Variants in ALMS1 observed in about 807,000 individuals in gnomAD.
ALMS1 encodes centrosome-associated protein ALMS1.
Under a neutral mutation model 352.2 loss-of-function variants are expected in ALMS1, and 271 were observed. The observed-to-expected ratio is 0.77, with a 90% CI of 0.70 to 0.85. The LOEUF (loss-of-function observed/expected upper bound fraction) is 0.85, where lower values mean the gene tolerates loss of function less well. Among genes scored for constraint, ALMS1 ranks in the 40% least tolerant of loss-of-function variants. ALMS1 has a pLI of 0.00. For missense variants in ALMS1, 5,445 were observed against 4,870.7 expected (o/e 1.12, Z -3.51); for synonymous variants, 1,865 against 1,761.2 (o/e 1.06, Z -1.48).
In ALMS1 at chr2:73,386,075, C is replaced by G. The variant is rs752874408; in HGVS notation, c.207C>G (p.Asp69Glu). ...GGCCCCAGCATCTGGAAAGTATAGA[C>G]GACGAGGAGGACGAGGAGGCCAAGG... ...HYGPQHLESI[D>E]DEEDEEAKAW... Residue 69 changes from aspartate (D) to glutamate (E), a missense_variant, in exon 1 of 23, where the codon GAC (aspartate) becomes GAG (glutamate). Physicochemically the swap from Asp to Glu is conservative, Grantham distance 45. Coordinates refer to ENST00000613296, the MANE Select transcript of ALMS1 (RefSeq NM_001378454.1). 6 of 1,596,226 alleles carry G rather than the reference C, an allele frequency of 3.8e-6. No homozygotes were observed. In the East Asian group the frequency reaches 1.1e-4, roughly 30 times the overall value.
chr2:73,467,611 T>G (rs1342054671), intron 9 of ALMS1, among the ~76,000 whole-genome samples: 1 of 152,042 alleles, frequency 6.6e-6, no homozygotes, highest in Non-Finnish European at 1.5e-5. Flanking sequence ...AGGTACGTAC[T>G]CAAGAACTAT....
chr2:73,539,538 G>A (rs968617784), intron 12 of ALMS1, among the ~76,000 whole-genome samples: 9 of 152,188 alleles, frequency 5.9e-5, no homozygotes, highest in Non-Finnish European at 1.2e-4. Context: ...TGACTTTGAC[G>A]AGTTGAGAGA....
intron 10 of ALMS1, among the ~76,000 whole-genome samples, chr2:73,498,592 C>T (rs1673157221): frequency 6.6e-6 from 1 of 151,920 alleles, no homozygotes; most frequent in Non-Finnish European, 1.5e-5. Flanking sequence ...CTCTGGTAAC[C>T]ATCCTTCTAC....
chr2:73,588,930 A>T (rs1288509431), intron 16 of ALMS1, among the ~76,000 whole-genome samples: 2 of 152,096 alleles, frequency 1.3e-5, no homozygotes, highest in East Asian at 1.9e-4. Flanking sequence ...CAAAGCGTAA[A>T]TTTTTTTATA....
chr2:73,554,971 A>G (rs1674514670), intron 13 of ALMS1, among the ~76,000 whole-genome samples: 1 of 152,228 alleles, frequency 6.6e-6, no homozygotes, highest in African/African-American at 2.4e-5. Context: ...AAGGGCATGT[A>G]AAACTATTTT....
At chr2:73,593,286 C>T (rs1025056224) in intron 16 of ALMS1, among the ~76,000 whole-genome samples, 5 of 151,958 alleles carry the variant, frequency 3.3e-5, no homozygotes, top group African/African-American at 9.7e-5. Flanking sequence ...ATTGTGAATC[C>T]GTGGATGGAT....
Position 73,506,148 on chromosome 2 carries a change from T to C in ALMS1, c.9540-13627T>C, listed in dbSNP as rs368181864. Reference sequence around the variant, plus strand: ...CCCTGCTCTGTTCCATTGGTCTATGTATCTGTTTTGGTACCAGTACCATGC... The same window carrying C: ...CCCTGCTCTGTTCCATTGGTCTATGCATCTGTTTTGGTACCAGTACCATGC... On this transcript the variant is annotated intron_variant, in intron 10 of 22. Transcript: ENST00000613296. Among the ~76,000 whole-genome samples, 33 of 152,326 alleles carry C rather than the reference T, an allele frequency of 2.2e-4. No individual in the cohort carries two copies. In the East Asian group the frequency reaches 3.9e-3, roughly 18 times the overall value.
intron 16 of ALMS1, among the ~76,000 whole-genome samples, chr2:73,586,090 A>G (rs193234448): frequency 1.2e-4 from 18 of 152,082 alleles, no homozygotes; most frequent in African/African-American, 4.1e-4. Context: ...AGAATTGTCT[A>G]TTCTTGTCCT....
At chr2:73,526,030 G>A (rs1255762361) in intron 11 of ALMS1, among the ~76,000 whole-genome samples, 1 of 152,144 alleles carries the variant, frequency 6.6e-6, no homozygotes, top group Non-Finnish European at 1.5e-5. Flanking sequence ...TTGTTGAAGA[G>A]ACCGTCTTTT....
In ALMS1 at chr2:73,525,968, G is replaced by C. The variant is rs147918457; in HGVS notation, c.9781+5952G>C. Among the ~76,000 whole-genome samples the C allele has an allele frequency of 3.9e-5, 6 of 152,236 alleles. 1 individual carries two copies. The highest frequency in any genetic ancestry group is 8.8e-5 in the Non-Finnish European group (6 of 67,998). On this transcript the variant is annotated intron_variant, in intron 11 of 22. Coordinates refer to ENST00000613296, the MANE Select transcript of ALMS1 (RefSeq NM_001378454.1). Reference sequence around the variant, plus strand: ...TGATTTCTGTATATGATGAAAGATAGAGGTTTAGCTTTATTCTTCTGCATG... The same window carrying C: ...TGATTTCTGTATATGATGAAAGATACAGGTTTAGCTTTATTCTTCTGCATG...
chr2:73,426,302 G>T, intron 5 of ALMS1, 151 bp from the exon 6 acceptor site: 4 of 803,282 alleles, frequency 5.0e-6, no homozygotes, highest in South Asian at 4.3e-5. Flanking sequence ...CAAGGTGCTT[G>T]TACCATTGAC....
chr2:73,421,517 G>A (rs1297596888), intron 3 of ALMS1, among the ~76,000 whole-genome samples: 3 of 152,128 alleles, frequency 2.0e-5, no homozygotes, highest in Non-Finnish European at 2.9e-5. Context: ...TTGTTCCTTG[G>A]TGGCAAAGGT....
At chr2:73,464,500 G>C (rs1005240791) in intron 9 of ALMS1, among the ~76,000 whole-genome samples, 40 of 152,164 alleles carry the variant, frequency 2.6e-4, no homozygotes, top group Non-Finnish European at 4.1e-4. Context: ...TACCGAATGG[G>C]CAAAAACTGG....
At position 73,452,128 on chromosome 2, in the gene ALMS1, T is replaced by C. The variant is rs1183253589; in HGVS notation, c.5601T>C (p.Asp1867=). ...TTTCTTATGAGCAGGAGTTGCCAGATCTTACTGAAGTAACTTTGAAAGCAA... is the reference window on the plus strand; with the variant it reads ...TTTCTTATGAGCAGGAGTTGCCAGACCTTACTGAAGTAACTTTGAAAGCAA... ...SVISYEQELP[D]LTEVTLKAIG... is the part of the protein sequence containing the mutation. The change falls in exon 8 of 23, where the codon GAT becomes GAC. Residue 1867 remains aspartate (D), a synonymous_variant. Coordinates refer to ENST00000613296, the MANE Select transcript of ALMS1 (RefSeq NM_001378454.1). 6.2e-7 allele frequency: 1 copy of C among 1,608,942 alleles called. No individual in the cohort carries two copies. Among genetic ancestry groups the C allele is most frequent in the Non-Finnish European group, 8.5e-7 (1 of 1,176,708 alleles).
chr2:73,386,878 C>A (rs987564151), intron 1 of ALMS1, among the ~76,000 whole-genome samples: 2 of 152,180 alleles, frequency 1.3e-5, no homozygotes, highest in African/African-American at 4.8e-5. Flanking sequence ...GCCCTTACCC[C>A]CCTTTTTTTA....
At chr2:73,579,758 C>T (rs1358105045) in intron 16 of ALMS1, among the ~76,000 whole-genome samples, 2 of 152,146 alleles carry the variant, frequency 1.3e-5, no homozygotes, top group Non-Finnish European at 2.9e-5. Flanking sequence ...ATTAATTTTA[C>T]CGAGGATCCC....
chr2:73,550,422 C>T lies in ALMS1; in HGVS notation c.10063C>T (p.Gln3355Ter). The T allele has an allele frequency of 6.2e-7, 1 of 1,614,072 alleles. No homozygotes were observed. Among genetic ancestry groups the T allele is most frequent in the Non-Finnish European group, 8.5e-7 (1 of 1,179,970 alleles). ...ASLPVGEKPL[Q>*]NENADASVQV... Reference sequence around the variant, plus strand: ...CTTGCCAGTGGGAGAAAAACCCTTGCAGAATGAAAATGCAGGTAACTGGAT... The same window carrying T: ...CTTGCCAGTGGGAGAAAAACCCTTGTAGAATGAAAATGCAGGTAACTGGAT... Residue 3355 changes from glutamine (Q) to a stop codon, truncating the protein, a stop_gained, in exon 13 of 23, where the codon CAG becomes TAG. Transcript: ENST00000613296. LOFTEE classifies it high-confidence loss of function.
At chr2:73,505,300 G>A (rs559413872) in intron 10 of ALMS1, among the ~76,000 whole-genome samples, 1 of 152,198 alleles carries the variant, frequency 6.6e-6, no homozygotes, top group South Asian at 2.1e-4. Flanking sequence ...TCACCACACT[G>A]TCTTCCACAA....
chr2:73,578,625 TACAA>T (rs760791489), intron 16 of ALMS1, among the ~76,000 whole-genome samples: 4 of 152,194 alleles, frequency 2.6e-5, no homozygotes, highest in Non-Finnish European at 4.4e-5. Flanking sequence ...TTCAATAATA[TACAA>T]ACACTGTTGT....
Sources: gnomAD v4.1 joint callset for allele counts (sites outside exome capture counted in the v4.1 genomes callset) on GRCh38, gnomAD v4.1.1 for gene constraint, MANE v1.5 for transcripts, NCBI Gene and HGNC (gene_info 2026-07-23, HGNC 2026-07-21) for gene names.